The following GALNT18 variants were observed in gnomAD, a reference collection of about 807,000 sequenced individuals.
GALNT18 encodes polypeptide N-acetylgalactosaminyltransferase 18.
A neutral mutation model predicts 69.5 loss-of-function variants in GALNT18; 44 were observed. The ratio of observed to expected loss-of-function variants is 0.63; its 90% confidence interval spans 0.50 to 0.81. The LOEUF is 0.81. Ranked by LOEUF, GALNT18 falls within the 40% of genes least tolerant of loss-of-function variation. GALNT18 has a pLI of 0.00. For missense variants in GALNT18, 715 were observed against 810.0 expected (o/e 0.88, Z 1.42); for synonymous variants, 364 against 318.2 (o/e 1.14, Z -1.53).
intron 8 of GALNT18, among the ~76,000 whole-genome samples, chr11:11,330,414 T>A (rs528823713): frequency 6.6e-6 from 1 of 152,340 alleles, no homozygotes; most frequent in East Asian, 1.9e-4. Context: ...CTTCAGCCAG[T>A]TGCCCCCATT....
At chr11:11,561,838 G>A (rs1178591129) in intron 1 of GALNT18, among the ~76,000 whole-genome samples, 2 of 152,154 alleles carry the variant, frequency 1.3e-5, no homozygotes, top group Admixed American at 6.6e-5. Flanking sequence ...GACGAGAACC[G>A]GGCAGGGGAA....
chr11:11,327,960 C>T (rs1476407105), intron 8 of GALNT18, among the ~76,000 whole-genome samples: 1 of 152,128 alleles, frequency 6.6e-6, no homozygotes, highest in Non-Finnish European at 1.5e-5. Context: ...TTCTCTGCCT[C>T]TCTCTCCTCC....
intron 1 of GALNT18, among the ~76,000 whole-genome samples, chr11:11,561,855 G>A (rs1477722078): frequency 6.6e-6 from 1 of 152,182 alleles, no homozygotes; most frequent in Non-Finnish European, 1.5e-5. Flanking sequence ...GGAATTAATA[G>A]TAATGACCAC....
At chr11:11,275,174 G>A (rs1249502750) in intron 10 of GALNT18, among the ~76,000 whole-genome samples, 2 of 152,186 alleles carry the variant, frequency 1.3e-5, no homozygotes, top group African/African-American at 4.8e-5. Flanking sequence ...GTGTAAAAGT[G>A]TTCCTATTTC....
At chr11:11,284,347 A>C (rs1849147876) in intron 10 of GALNT18, among the ~76,000 whole-genome samples, 1 of 152,160 alleles carries the variant, frequency 6.6e-6, no homozygotes, top group African/African-American at 2.4e-5. Context: ...TTTTTAAACT[A>C]TAGATCACTG....
Position 11,439,805 on chromosome 11 carries a change from A to C in GALNT18, c.429-7018T>G, listed in dbSNP as rs1481608205. Among the ~76,000 whole-genome samples the C allele has an allele frequency of 6.6e-6, 1 of 152,188 alleles. No individual in the cohort carries two copies. The highest frequency in any genetic ancestry group is 1.5e-5 in the Non-Finnish European group (1 of 68,046). On this transcript the variant is annotated intron_variant, in intron 2 of 10. Transcript: ENST00000227756. The surrounding 1 kb of genome is among the most constrained non-coding windows in gnomAD (Gnocchi z 4.4). Reference sequence around the variant, plus strand: ...ACCATGACCTGATGGGAATGGAATCACTGAGTTGTACATTTACTCCCTGCC... The same window carrying C: ...ACCATGACCTGATGGGAATGGAATCCCTGAGTTGTACATTTACTCCCTGCC...
At chr11:11,316,528 T>C (rs927538835) in intron 9 of GALNT18, among the ~76,000 whole-genome samples, 2 of 152,206 alleles carry the variant, frequency 1.3e-5, no homozygotes, top group African/African-American at 4.8e-5. Context: ...ACTTCTTTCA[T>C]CTCAACTCTA....
At position 11,603,124 on chromosome 11, in the gene GALNT18, A is replaced by G. The variant is rs995295472; in HGVS notation, c.235+18235T>C. 1.1e-4 allele frequency among the ~76,000 whole-genome samples: 17 copies of G among 152,214 alleles called. No homozygotes were observed. Among genetic ancestry groups the G allele is most frequent in the Non-Finnish European group, 1.9e-4 (13 of 68,038 alleles). On this transcript the variant is annotated intron_variant, in intron 1 of 10. Coordinates refer to ENST00000227756, the MANE Select transcript of GALNT18 (RefSeq NM_198516.3). This position sits in a 1 kb window ranked among gnomAD's most constrained non-coding sequence, Gnocchi z 4.5. ...TCTAAGTTATGTCTTCCCATCAACT[A>G]CTTCAATTTGTGTTTGGTGCTTCTC... is the stretch of plus-strand genomic sequence containing the variant.
intron 9 of GALNT18, among the ~76,000 whole-genome samples, chr11:11,300,821 C>T (rs1849481658): frequency 6.6e-6 from 1 of 152,248 alleles, no homozygotes; most frequent in East Asian, 1.9e-4. Context: ...CTATAAACCA[C>T]AGTCTCAGGG....
chr11:11,429,786 G>A (rs1173297928), intron 3 of GALNT18, among the ~76,000 whole-genome samples: 1 of 152,182 alleles, frequency 6.6e-6, no homozygotes, highest in African/African-American at 2.4e-5. Flanking sequence ...ATGTTCAAAA[G>A]TGAAGCCACA....
chr11:11,536,218 C>T (rs1212167607), intron 1 of GALNT18, among the ~76,000 whole-genome samples: 1 of 152,182 alleles, frequency 6.6e-6, no homozygotes, highest in Non-Finnish European at 1.5e-5. Context: ...ATTTATTGAG[C>T]TCCAGGCACT....
In GALNT18 at chr11:11,444,632, G is replaced by T. The variant is rs1454059387; in HGVS notation, c.428+4112C>A. ...CTCAGCCACATGACAAGCTGGGTCA[G>T]ATTACATCTTTCAGTACCAAGAAAA... On this transcript the variant is annotated intron_variant, in intron 2 of 10. Coordinates refer to ENST00000227756, the MANE Select transcript of GALNT18 (RefSeq NM_198516.3). This position sits in a 1 kb window ranked among gnomAD's most constrained non-coding sequence, Gnocchi z 4.4. Among the ~76,000 whole-genome samples, 3 of 152,144 alleles carry T rather than the reference G, an allele frequency of 2.0e-5. No homozygotes were observed. Among genetic ancestry groups the T allele is most frequent in the African/African-American group, 7.2e-5 (3 of 41,424 alleles).
At chr11:11,326,798 G>A (rs1453275898) in intron 9 of GALNT18, among the ~76,000 whole-genome samples, 5 of 152,176 alleles carry the variant, frequency 3.3e-5, no homozygotes, top group African/African-American at 1.2e-4. Context: ...TTCCACAAAG[G>A]AAGCAGGTGT....
chr11:11,392,558 G>A (rs555709743), intron 3 of GALNT18, among the ~76,000 whole-genome samples: 12 of 152,294 alleles, frequency 7.9e-5, no homozygotes, highest in Admixed American at 5.2e-4. Flanking sequence ...GGCGGAGGTC[G>A]TGGTGAGCAG....
rs548330027 is a variant in GALNT18 at position 11,396,283 on chromosome 11, G to C, written c.596-17019C>G. On this transcript the variant is annotated intron_variant, in intron 3 of 10. Transcript: ENST00000227756. This position sits in a 1 kb window ranked among gnomAD's most constrained non-coding sequence, Gnocchi z 5.2. ...AACAGTGTTTGGCTTTCTCGATTCT[G>C]GCCTGGGATCCACAAGACATGGATC... 1.2e-4 allele frequency among the ~76,000 whole-genome samples: 19 copies of C among 152,196 alleles called. No homozygotes were observed. The highest frequency in any genetic ancestry group is 2.5e-4 in the Non-Finnish European group (17 of 68,048).
intron 6 of GALNT18, among the ~76,000 whole-genome samples, chr11:11,362,330 G>GA (rs1440379353): frequency 3.3e-5 from 5 of 151,926 alleles, no homozygotes; most frequent in African/African-American, 1.2e-4. Flanking sequence ...ACATTAAACA[G>GA]AAAAAACACG....
chr11:11,270,952 A>G lies in GALNT18; in HGVS notation c.*192T>C, dbSNP rs1412262027. 2.4e-5 allele frequency: 12 copies of G among 492,568 alleles called. No individual in the cohort carries two copies. Among genetic ancestry groups the G allele is most frequent in the Non-Finnish European group, 3.6e-5 (10 of 276,552 alleles). The allele number at this position is 492,568 out of a possible 1,614,324, so 30.5% of individuals were successfully genotyped here. A position where few individuals can be genotyped will look rare whatever the true frequency, so the allele number is the denominator to read the frequency against. ...CTATTTACAACTGCAAAATAGTTTG[A>G]TATCATACCATCACCTACCAATCAG... On this transcript the variant is annotated 3_prime_UTR_variant, in exon 11 of 11. Coordinates refer to ENST00000227756, the MANE Select transcript of GALNT18 (RefSeq NM_198516.3).
chr11:11,572,437 A>T (rs750142614), intron 1 of GALNT18, among the ~76,000 whole-genome samples: 2 of 152,186 alleles, frequency 1.3e-5, no homozygotes, highest in Non-Finnish European at 2.9e-5. Flanking sequence ...TACTGTTGCT[A>T]TTTCTGTTTT....
In GALNT18 at chr11:11,337,516, G is replaced by A. The variant is rs1850133801; in HGVS notation, c.1278+3303C>T. Among the ~76,000 whole-genome samples the A allele has an allele frequency of 6.6e-6, 1 of 152,164 alleles. No homozygotes were observed. Among genetic ancestry groups the A allele is most frequent in the Non-Finnish European group, 1.5e-5 (1 of 68,022 alleles). The stretch of plus-strand genomic sequence containing the variant: ...AGTTCAGCCAGATTTGAAAGCCACT[G>A]TTCTAATGAGAGGGAGACTTTTAGA... On this transcript the variant is annotated intron_variant, in intron 7 of 10. Transcript: ENST00000227756. This position sits in a 1 kb window ranked among gnomAD's most constrained non-coding sequence, Gnocchi z 4.9.
Sources: gnomAD v4.1 joint callset for allele counts (sites outside exome capture counted in the v4.1 genomes callset) on GRCh38, gnomAD v4.1.1 for gene constraint, Gnocchi (gnomAD v3.1) non-coding constraint, MANE v1.5 for transcripts, NCBI Gene and HGNC (gene_info 2026-07-23, HGNC 2026-07-21) for gene names.